The following SNAP91 variants were observed in gnomAD, a reference collection of about 807,000 sequenced individuals.
The protein encoded by SNAP91 is synaptosome associated protein 91.
A neutral mutation model predicts 100.3 loss-of-function variants in SNAP91; 27 were observed. That is an observed-to-expected ratio of 0.27 (90% CI 0.20 to 0.37). The LOEUF is 0.37. SNAP91 is among the 10% of genes least tolerant of loss of function. The pLI is 1.00. For synonymous variants in SNAP91, 404 were observed against 398.6 expected (o/e 1.01, Z -0.16); for missense variants, 986 against 1,123.7 (o/e 0.88, Z 1.75).
chr6:83,597,732 T>C (rs1318657013), intron 16 of SNAP91, among the ~76,000 whole-genome samples: 4 of 152,214 alleles, frequency 2.6e-5, no homozygotes, highest in Non-Finnish European at 5.9e-5. Flanking sequence ...CCATCTACTT[T>C]GGCCACATAA....
chr6:83,650,306 T>C (rs1404240649), intron 7 of SNAP91, among the ~76,000 whole-genome samples: 1 of 152,226 alleles, frequency 6.6e-6, no homozygotes, highest in Non-Finnish European at 1.5e-5. Flanking sequence ...AGTTGTTTTA[T>C]GAATATTGAA....
intron 11 of SNAP91, 32 bp from the exon 12 acceptor site, chr6:83,610,709 G>T: frequency 4.8e-6 from 1 of 206,440 alleles, no homozygotes; most frequent in South Asian, 5.0e-5. Context: ...AATTAAAACT[G>T]AATATATATA....
intron 2 of SNAP91, among the ~76,000 whole-genome samples, chr6:83,689,306 A>G (rs530767758): frequency 3.9e-5 from 6 of 152,338 alleles, no homozygotes; most frequent in African/African-American, 1.4e-4. Context: ...ATGAGACTAC[A>G]TAGCACAGTT....
At chr6:83,593,896 T>G (rs1582879050) in intron 17 of SNAP91, among the ~76,000 whole-genome samples, 155 bp from the exon 18 acceptor site, 1 of 151,994 alleles carries the variant, frequency 6.6e-6, no homozygotes, top group South Asian at 2.1e-4. Context: ...CTGGCAGGGG[T>G]TAGTGATTAG....
chr6:83,703,158 G>GTT (rs1220786370), intron 2 of SNAP91, among the ~76,000 whole-genome samples: 9 of 90,866 alleles, frequency 9.9e-5, no homozygotes, highest in Admixed American at 3.0e-4. Flanking sequence ...GAGAGGGTGT[G>GTT]TTTTTTTTTT....
intron 20 of SNAP91, 72 bp downstream of exon 20, chr6:83,592,872 CAT>C (rs543776046): frequency 1.5e-4 from 164 of 1,106,892 alleles, no homozygotes; most frequent in African/African-American, 2.2e-4. Context: ...GAAAAACCCA[CAT>C]GTTATATCCT....
At chr6:83,636,071 T>G (rs1218445157) in intron 8 of SNAP91, among the ~76,000 whole-genome samples, 1 of 152,188 alleles carries the variant, frequency 6.6e-6, no homozygotes, top group Non-Finnish European at 1.5e-5. Context: ...TATAGGTGAT[T>G]TGTTCCTTTT....
At chr6:83,562,812 G>C (rs1790162280) in intron 26 of SNAP91, among the ~76,000 whole-genome samples, 1 of 152,082 alleles carries the variant, frequency 6.6e-6, no homozygotes, top group African/African-American at 2.4e-5. Context: ...AAAGGCCTTG[G>C]CCCACAGATC....
intron 2 of SNAP91, among the ~76,000 whole-genome samples, chr6:83,672,979 A>G (rs2098809463): frequency 6.6e-6 from 1 of 152,138 alleles, no homozygotes; most frequent in Admixed American, 6.6e-5. Flanking sequence ...TTTTATAATC[A>G]TCTTGTAAAC....
At chr6:83,596,985 G>C (rs1342514929) in intron 16 of SNAP91, among the ~76,000 whole-genome samples, 1 of 152,078 alleles carries the variant, frequency 6.6e-6, no homozygotes. Context: ...ACCCCTTTAG[G>C]TTATCACTTA....
chr6:83,655,428 T>TA (rs1180013089), intron 7 of SNAP91, among the ~76,000 whole-genome samples: 1 of 152,152 alleles, frequency 6.6e-6, no homozygotes, highest in Non-Finnish European at 1.5e-5. Flanking sequence ...TAAAGGTACT[T>TA]AAAGTGTGTA....
chr6:83,632,427 G>A (rs554552407), intron 8 of SNAP91, among the ~76,000 whole-genome samples: 6 of 152,112 alleles, frequency 3.9e-5, no homozygotes, highest in South Asian at 2.1e-4. Flanking sequence ...GTATTTGTAC[G>A]TCTAGGTCTC....
At chr6:83,621,905 C>T (rs1215545860) in intron 9 of SNAP91, among the ~76,000 whole-genome samples, 1 of 152,002 alleles carries the variant, frequency 6.6e-6, no homozygotes, top group Non-Finnish European at 1.5e-5. Flanking sequence ...TAAAAGTTAA[C>T]ATGTATTACT....
At chr6:83,640,058 A>T (rs1430858812) in intron 8 of SNAP91, among the ~76,000 whole-genome samples, 1 of 152,184 alleles carries the variant, frequency 6.6e-6, no homozygotes, top group Non-Finnish European at 1.5e-5. Flanking sequence ...AATTTACATA[A>T]GCTAATCTTT....
intron 14 of SNAP91, among the ~76,000 whole-genome samples, chr6:83,605,205 G>T (rs981456298): frequency 6.6e-5 from 10 of 152,114 alleles, no homozygotes; most frequent in Non-Finnish European, 2.9e-5. Flanking sequence ...TCTGTAAAAA[G>T]ATTTCAACTG....
intron 12 of SNAP91, among the ~76,000 whole-genome samples, chr6:83,608,699 AG>A (rs1329873899): frequency 6.6e-6 from 1 of 152,052 alleles, no homozygotes; most frequent in African/African-American, 2.4e-5. Context: ...GAATAATTTG[AG>A]GAAAAAAAAA....
At chr6:83,668,419 T>G (rs761022432) in intron 2 of SNAP91, among the ~76,000 whole-genome samples, 3 of 152,090 alleles carry the variant, frequency 2.0e-5, no homozygotes, top group Non-Finnish European at 4.4e-5. Flanking sequence ...AGCAAAGACA[T>G]GGAACCAACC....
At chr6:83,653,449 T>TTTGGGCAAAAGTA (rs2098282323) in intron 7 of SNAP91, among the ~76,000 whole-genome samples, 1 of 152,290 alleles carries the variant, frequency 6.6e-6, no homozygotes, top group African/African-American at 2.4e-5. Context: ...GGTTTTGCCC[T>TTTGGGCAAAAGTA]CTAGTACTTC....
intron 22 of SNAP91, among the ~76,000 whole-genome samples, chr6:83,585,404 C>T (rs2092298502): frequency 6.6e-6 from 1 of 152,010 alleles, no homozygotes; most frequent in South Asian, 2.1e-4. Context: ...TGGCATGTGC[C>T]TGCAGTCCCA....
Sources: allele counts gnomAD v4.1 joint callset (sites outside exome capture counted in the v4.1 genomes callset), GRCh38; gene constraint gnomAD v4.1.1; transcripts MANE v1.5; gene names NCBI Gene and HGNC (gene_info 2026-07-23, HGNC 2026-07-21).